Variants in SORCS1 observed in about 807,000 individuals in gnomAD.
SORCS1 encodes sortilin related VPS10 domain containing receptor 1.
In SORCS1, 60 loss-of-function variants were observed where a neutral mutation model predicts 146.1. That is an observed-to-expected ratio of 0.41 (90% confidence interval 0.33 to 0.51). SORCS1 has a LOEUF of 0.51. Among genes scored for constraint, SORCS1 ranks in the 20% least tolerant of loss-of-function variants. The pLI is 0.21. For missense variants in SORCS1, 1,352 were observed against 1,487.6 expected, an observed-to-expected ratio of 0.91 and a Z score of 1.50; for synonymous variants, 637 against 584.0, an observed-to-expected ratio of 1.09 and a Z score of -1.31.
Position 106,973,006 on chromosome 10 carries a change from G to C in SORCS1, c.559-16426C>G, listed in dbSNP as rs551269450. ...CTAGCTCTTCTACCATTGAGGCTGA[G>C]GGGTCATCTTTGTATCACATTCACT... On this transcript the variant is annotated intron_variant, in intron 1 of 25. Transcript: ENST00000263054. Among the ~76,000 whole-genome samples the C allele has an allele frequency of 4.0e-4, 61 of 152,276 alleles. 1 individual carries two copies. The highest frequency in any genetic ancestry group is 3.4e-3 in the Middle Eastern group (1 of 294).
chr10:106,996,528 G>C (rs1957013696), intron 1 of SORCS1, among the ~76,000 whole-genome samples: 1 of 152,056 alleles, frequency 6.6e-6, no homozygotes, highest in Non-Finnish European at 1.5e-5. Flanking sequence ...TGGCCCCTAG[G>C]ATCCTTAGAA....
At chr10:106,712,969 G>A (rs909464312) in intron 6 of SORCS1, among the ~76,000 whole-genome samples, 6 of 152,164 alleles carry the variant, frequency 3.9e-5, no homozygotes, top group Admixed American at 6.5e-5. Context: ...CTTGCCATTG[G>A]TTGTTTTAGA....
upstream of SORCS1, among the ~76,000 whole-genome samples, chr10:107,167,178 C>G (rs1970074439): frequency 1.3e-5 from 2 of 152,244 alleles, no homozygotes; most frequent in African/African-American, 2.4e-5. Flanking sequence ...TAGATGGATT[C>G]ATTTTATTTC....
chr10:106,774,267 T>A lies in SORCS1; in HGVS notation c.885+2267A>T, dbSNP rs1169766652. Reference sequence around the variant, plus strand: ...TTTGACCTCATATTACCACAGTTTATACTGATATTACTACTGATTAACGCT... The same window carrying A: ...TTTGACCTCATATTACCACAGTTTAAACTGATATTACTACTGATTAACGCT... On this transcript the variant is annotated intron_variant, in intron 4 of 25. Transcript: ENST00000263054. Among the ~76,000 whole-genome samples the A allele has an allele frequency of 3.9e-5, 6 of 152,350 alleles. No homozygotes were observed. In the East Asian group the frequency reaches 1.2e-3, roughly 29 times the overall value.
intron 2 of SORCS1, among the ~76,000 whole-genome samples, chr10:106,913,877 A>G (rs1952284198): frequency 1.3e-5 from 2 of 152,178 alleles, no homozygotes; most frequent in South Asian, 4.1e-4. Context: ...TTCTTTTAGG[A>G]GGCAAAAGTG....
At chr10:106,791,010 C>T (rs564091676) in intron 3 of SORCS1, among the ~76,000 whole-genome samples, 70 of 152,304 alleles carry the variant, frequency 4.6e-4, no homozygotes, top group Non-Finnish European at 9.4e-4. Flanking sequence ...TTGTCACTGA[C>T]ACTTTGATAT....
intron 5 of SORCS1, among the ~76,000 whole-genome samples, chr10:106,743,033 A>G (rs1857468388): frequency 6.6e-6 from 1 of 152,206 alleles, no homozygotes; most frequent in Non-Finnish European, 1.5e-5. Context: ...TGTGATGACA[A>G]AAAAAGAAAA....
intron 1 of SORCS1, among the ~76,000 whole-genome samples, chr10:107,093,619 G>A (rs1223243802): frequency 6.6e-6 from 1 of 151,142 alleles, no homozygotes; most frequent in East Asian, 1.9e-4. Flanking sequence ...GTTGCAGGGG[G>A]CTGAGATCAC....
At chr10:106,630,680 C>A (rs1848389515) in intron 18 of SORCS1, among the ~76,000 whole-genome samples, 1 of 152,146 alleles carries the variant, frequency 6.6e-6, no homozygotes. Context: ...AAATTAATTA[C>A]AGATTAATTA....
chr10:106,976,355 G>A (rs1193901446), intron 1 of SORCS1, among the ~76,000 whole-genome samples: 3 of 14,122 alleles, frequency 2.1e-4, no homozygotes, highest in Non-Finnish European at 5.3e-4. Flanking sequence ...TTTTTGAGAC[G>A]GAGTCTCGCT....
chr10:106,810,672 G>A (rs1049534718), intron 3 of SORCS1, among the ~76,000 whole-genome samples: 1 of 152,212 alleles, frequency 6.6e-6, no homozygotes, highest in Non-Finnish European at 1.5e-5. Context: ...ATGCCATGAA[G>A]TAACTAAGAA....
chr10:106,984,963 G>A lies in SORCS1; in HGVS notation c.559-28383C>T, dbSNP rs11193143. ...AGCACTTTGGGAGGCTGAGGTGGCC[G>A]GATCACCTGAGGTCAGAAGTTCCAC... is the stretch of plus-strand genomic sequence containing the variant. On this transcript the variant is annotated intron_variant, in intron 1 of 25. Coordinates refer to ENST00000263054, the MANE Select transcript of SORCS1 (RefSeq NM_052918.5). Among the ~76,000 whole-genome samples the A allele has an allele frequency of 4.2e-3, 642 of 152,060 alleles. 9 individuals are homozygous for A. Among genetic ancestry groups the A allele is most frequent in the African/African-American group, 0.014 (583 of 41,524 alleles).
intron 1 of SORCS1, among the ~76,000 whole-genome samples, chr10:106,988,699 T>A (rs999595915): frequency 6.6e-6 from 1 of 152,168 alleles, no homozygotes; most frequent in African/African-American, 2.4e-5. Context: ...AACACTCATA[T>A]AGCACTATAA....
chr10:106,598,338 C>T (rs929403848), intron 23 of SORCS1, among the ~76,000 whole-genome samples: 4 of 151,070 alleles, frequency 2.6e-5, no homozygotes, highest in African/African-American at 4.9e-5. Flanking sequence ...CTCAGCTCAC[C>T]GCAACCTCCA....
intron 9 of SORCS1, among the ~76,000 whole-genome samples, chr10:106,694,851 A>G (rs1853575352): frequency 6.6e-6 from 1 of 152,110 alleles, no homozygotes; most frequent in Non-Finnish European, 1.5e-5. Context: ...CACTCCCAAC[A>G]CAACCCTTTG....
chr10:107,166,612 A>C (rs140346730), upstream of SORCS1, among the ~76,000 whole-genome samples: 1 of 152,350 alleles, frequency 6.6e-6, no homozygotes, highest in East Asian at 1.9e-4. Context: ...CTCCTCCTCA[A>C]ATTGCAAATG....
intron 18 of SORCS1, among the ~76,000 whole-genome samples, chr10:106,644,425 A>G (rs1463651691): frequency 6.6e-6 from 1 of 151,982 alleles, no homozygotes; most frequent in Admixed American, 6.6e-5. Context: ...GGGGTGCAGT[A>G]GTGTGATCTC....
At chr10:106,801,722 T>C (rs576645832) in intron 3 of SORCS1, among the ~76,000 whole-genome samples, 3 of 151,960 alleles carry the variant, frequency 2.0e-5, no homozygotes, top group Admixed American at 2.0e-4. Flanking sequence ...ACTAGAGATG[T>C]GGTTTCACTG....
chr10:106,712,445 CAAAT>C (rs1855064313), intron 6 of SORCS1, among the ~76,000 whole-genome samples: 2 of 152,242 alleles, frequency 1.3e-5, no homozygotes, highest in South Asian at 4.1e-4. Context: ...TCGGATAAAA[CAAAT>C]GTAACTTTCT....
Sources: allele counts gnomAD v4.1 joint callset (sites outside exome capture counted in the v4.1 genomes callset), GRCh38; gene constraint gnomAD v4.1.1; transcripts MANE v1.5; gene names NCBI Gene and HGNC (gene_info 2026-07-23, HGNC 2026-07-21).